The following QTMAN variants were observed in gnomAD, a reference collection of about 807,000 sequenced individuals.
QTMAN encodes tRNA-queuosine alpha-mannosyltransferase.
chr2:144,093,562 C>T, the QTMAN span, among the ~76,000 whole-genome samples: 1 of 152,166 alleles, frequency 6.6e-6, no homozygotes. Context: ...ATATCCTGTC[C>T]TTCAGAATCC....
At chr2:144,101,877 A>C in the QTMAN span, among the ~76,000 whole-genome samples, 1 of 152,152 alleles carries the variant, frequency 6.6e-6, no homozygotes, top group African/African-American at 2.4e-5. Context: ...GTTCTGTGTC[A>C]TTCAAAATTC....
the QTMAN span, among the ~76,000 whole-genome samples, chr2:143,959,244 C>T: frequency 2.6e-5 from 4 of 151,990 alleles, no homozygotes; most frequent in African/African-American, 7.2e-5. Flanking sequence ...AGAAACTTAA[C>T]TCATCAGTTG....
the QTMAN span, among the ~76,000 whole-genome samples, chr2:144,294,959 GA>G: frequency 6.6e-6 from 1 of 152,158 alleles, no homozygotes; most frequent in Non-Finnish European, 1.5e-5. Flanking sequence ...TGAACTTGAA[GA>G]AATCTTCAAA....
chr2:144,145,019 A>G, the QTMAN span, among the ~76,000 whole-genome samples: 1 of 151,272 alleles, frequency 6.6e-6, no homozygotes, highest in South Asian at 2.1e-4. Flanking sequence ...TGGTATTTTA[A>G]GGCTGTGCCA....
chr2:144,264,735 A>G, the QTMAN span, among the ~76,000 whole-genome samples: 1 of 152,326 alleles, frequency 6.6e-6, no homozygotes, highest in African/African-American at 2.4e-5. Flanking sequence ...CTTGACTCCA[A>G]TAACGGTTTC....
At chr2:144,089,187 A>T in the QTMAN span, among the ~76,000 whole-genome samples, 2 of 152,032 alleles carry the variant, frequency 1.3e-5, no homozygotes, top group Non-Finnish European at 2.9e-5. Context: ...AAGACATGCA[A>T]CAGGTCAACA....
At chr2:144,237,423 A>G in the QTMAN span, 1 of 152,126 alleles carries the variant, frequency 6.6e-6, no homozygotes, top group Non-Finnish European at 1.5e-5. Flanking sequence ...CAAAATACAT[A>G]TACCTAGATT....
At chr2:144,021,764 C>T in the QTMAN span, among the ~76,000 whole-genome samples, 1 of 152,244 alleles carries the variant, frequency 6.6e-6, no homozygotes, top group Non-Finnish European at 1.5e-5. Context: ...CACAATGAGG[C>T]TCAGCAGGGA....
chr2:144,160,834 A>C, the QTMAN span, among the ~76,000 whole-genome samples: 2,086 of 152,286 alleles, frequency 0.014, 47 homozygotes, highest in African/African-American at 0.048. Flanking sequence ...ATGAATTCTT[A>C]CACACAACTG....
chr2:144,034,171 A>G, the QTMAN span, among the ~76,000 whole-genome samples: 1 of 152,226 alleles, frequency 6.6e-6, no homozygotes, highest in Admixed American at 6.5e-5. Flanking sequence ...CCCCTGAATG[A>G]CCAGTAAGAT....
At chr2:144,066,628 C>A in the QTMAN span, among the ~76,000 whole-genome samples, 3 of 152,144 alleles carry the variant, frequency 2.0e-5, no homozygotes, top group Non-Finnish European at 4.4e-5. Flanking sequence ...CCAGCCTGGT[C>A]AACATAATGA....
At chr2:144,300,132 T>G in the QTMAN span, among the ~76,000 whole-genome samples, 4 of 152,202 alleles carry the variant, frequency 2.6e-5, no homozygotes, top group African/African-American at 9.7e-5. Context: ...ACCCACTGCC[T>G]AATGGGTACA....
At chr2:144,105,227 C>T in the QTMAN span, among the ~76,000 whole-genome samples, 5 of 152,276 alleles carry the variant, frequency 3.3e-5, no homozygotes, top group African/African-American at 9.6e-5. Context: ...CGCAGCTCCT[C>T]GCCAGCAACA....
chr2:144,208,557 G>T, the QTMAN span: 1 of 1,514,960 alleles, frequency 6.6e-7, no homozygotes, highest in Non-Finnish European at 9.1e-7. Flanking sequence ...CCTCATAACA[G>T]GTACTTTTTA....
the QTMAN span, among the ~76,000 whole-genome samples, chr2:144,018,881 G>C: frequency 1.1e-4 from 16 of 152,202 alleles, no homozygotes; most frequent in Non-Finnish European, 1.9e-4. Context: ...GCCAGGGAAG[G>C]CTCTCTAGAG....
chr2:144,122,362 C>T, the QTMAN span, among the ~76,000 whole-genome samples: 1 of 152,078 alleles, frequency 6.6e-6, no homozygotes, highest in African/African-American at 2.4e-5. Flanking sequence ...AAAAGTATTG[C>T]TATTGAAGTT....
the QTMAN span, among the ~76,000 whole-genome samples, chr2:143,991,318 C>T: frequency 2.6e-5 from 4 of 152,048 alleles, no homozygotes; most frequent in Admixed American, 6.5e-5. Context: ...AGGTGAAGAA[C>T]ACCAAAGACA....
At chr2:144,142,812 C>T in the QTMAN span, among the ~76,000 whole-genome samples, 178 of 152,022 alleles carry the variant, frequency 1.2e-3, 2 homozygotes, top group African/African-American at 4.1e-3. Context: ...CCATGATCTT[C>T]GAATTCAATG....
chr2:144,058,335 G>A, the QTMAN span, among the ~76,000 whole-genome samples: 2 of 152,006 alleles, frequency 1.3e-5, no homozygotes, highest in African/African-American at 4.8e-5. Context: ...TAGGAACTAA[G>A]TAATATAAGC....
Sources: allele counts gnomAD v4.1 joint callset (sites outside exome capture counted in the v4.1 genomes callset), GRCh38; gene constraint gnomAD v4.1.1; transcripts MANE v1.5; gene names NCBI Gene and HGNC (gene_info 2026-07-23, HGNC 2026-07-21).